ZBED6: variants seen among roughly 807,000 people sequenced by gnomAD.
ZBED6 encodes the protein zinc finger BED domain-containing protein 6.
In ZBED6, 40 loss-of-function variants were observed where a neutral mutation model predicts 58.4. The ratio of observed to expected loss-of-function variants is 0.68; its 90% CI spans 0.53 to 0.89. The LOEUF is 0.89. Among genes scored for constraint, ZBED6 ranks in the 40% least tolerant of loss-of-function variants. The probability of loss-of-function intolerance (pLI) is 0.00; values close to 1 mark genes in which losing one functional copy is unlikely to be tolerated. For missense variants in ZBED6, 1,057 were observed against 1,003.9 expected, an observed-to-expected ratio of 1.05 and a Z score of -0.71; for synonymous variants, 439 against 350.6, an observed-to-expected ratio of 1.25 and a Z score of -2.82.
intron 13 of ZBED6, among the ~76,000 whole-genome samples, chr1:203,849,491 C>G (rs1688757451): frequency 6.6e-6 from 1 of 152,166 alleles, no homozygotes; most frequent in Non-Finnish European, 1.5e-5. Context: ...TCATGGTTGT[C>G]TAGCCTGTGG....
intron 4 of ZBED6, 145 bp downstream of exon 4, chr1:203,828,567 T>C (rs1488355612): frequency 9.3e-7 from 1 of 1,071,658 alleles, no homozygotes; most frequent in African/African-American, 1.6e-5. Flanking sequence ...AACTGAATCT[T>C]ATTAAGGTTA....
At chr1:203,800,448 G>A in exon 1 of ZBED6, 1 of 1,488,318 alleles carries the variant, frequency 6.7e-7, no homozygotes, top group Non-Finnish European at 8.9e-7. Flanking sequence ...CAGTGAAAAA[G>A]AAATACTGCC....
exon 1 of ZBED6, chr1:203,795,877 C>T (rs921651459): frequency 4.6e-5 from 7 of 151,894 alleles, no homozygotes; most frequent in African/African-American, 1.5e-4. Context: ...GCAGCGGCCT[C>T]CCCTCGCCCC....
intron 8 of ZBED6, 33 bp downstream of exon 8, chr1:203,831,804 C>A: frequency 6.5e-7 from 1 of 1,536,672 alleles, no homozygotes; most frequent in Non-Finnish European, 8.9e-7. Flanking sequence ...AGTTGTCAAG[C>A]CTCTACTTTT....
intron 3 of ZBED6, among the ~76,000 whole-genome samples, chr1:203,823,362 T>C (rs1474883528): frequency 6.6e-6 from 1 of 152,204 alleles, no homozygotes; most frequent in Non-Finnish European, 1.5e-5. Context: ...CAGCAATGCA[T>C]GTGTGGTATT....
intron 1 of ZBED6, among the ~76,000 whole-genome samples, chr1:203,804,800 G>A (rs1357224141): frequency 6.6e-6 from 1 of 151,346 alleles, no homozygotes; most frequent in Non-Finnish European, 1.5e-5. Context: ...AGCCTCCCAA[G>A]TAGCTGAGAT....
chr1:203,806,020 T>C (rs1672206241), intron 1 of ZBED6: 1 of 548,170 alleles, frequency 1.8e-6, no homozygotes, highest in Non-Finnish European at 3.5e-6. Flanking sequence ...GAATGACTCT[T>C]GGGTGCGATT....
At chr1:203,818,434 A>C in intron 2 of ZBED6, 136 bp from the exon 3 acceptor site, 1 of 1,153,234 alleles carries the variant, frequency 8.7e-7, no homozygotes, top group Admixed American at 2.5e-5. Context: ...CTGTCATTCC[A>C]TGTCCATTGT....
At chr1:203,840,084 G>A (rs564993619) in intron 10 of ZBED6, among the ~76,000 whole-genome samples, 97 of 151,824 alleles carry the variant, frequency 6.4e-4, no homozygotes, top group African/African-American at 2.0e-3. Flanking sequence ...GATTACAAGC[G>A]TGAGCCACTG....
chr1:203,847,832 A>G, intron 12 of ZBED6, 145 bp downstream of exon 12: 1 of 1,182,804 alleles, frequency 8.5e-7, no homozygotes. Flanking sequence ...GTTTTTCAGT[A>G]GTGCTATGTA....
exon 1 of ZBED6, chr1:203,799,976 T>G: frequency 6.5e-7 from 1 of 1,536,130 alleles, no homozygotes; most frequent in African/African-American, 1.4e-5. Flanking sequence ...CAGAAGCTTC[T>G]TGTCCCTCAG....
At chr1:203,809,375 C>T (rs1274839102) in intron 1 of ZBED6, among the ~76,000 whole-genome samples, 1 of 151,488 alleles carries the variant, frequency 6.6e-6, no homozygotes, top group Non-Finnish European at 1.5e-5. Context: ...CGGTGTTTCA[C>T]CATATTGGCC....
intron 1 of ZBED6, among the ~76,000 whole-genome samples, chr1:203,812,578 A>ATTTTTT (rs386369376): frequency 1.0e-4 from 11 of 109,312 alleles, no homozygotes; most frequent in Non-Finnish European, 1.8e-4. Flanking sequence ...GCCATTCTAA[A>ATTTTTT]TTTTTTTTTT....
chr1:203,838,192 C>T, intron 10 of ZBED6, 128 bp downstream of exon 10: 1 of 888,002 alleles, frequency 1.1e-6, no homozygotes, highest in African/African-American at 1.7e-5. Flanking sequence ...TTATATTATT[C>T]ACTCAACAAA....
exon 1 of ZBED6, chr1:203,802,951 C>T (rs927937114): frequency 6.6e-6 from 1 of 152,378 alleles, no homozygotes; most frequent in African/African-American, 2.4e-5. Flanking sequence ...TTGGTTCGAC[C>T]TACAGGCGTA....
rs1680628708 is a variant in ZBED6, at chr1:203,826,674, A to G, written c.*2874-1625A>G. ...TATTGTTTCTCTGTCTCTCTTCTCC[A>G]TATTCTTAAATTTCAATGCTGGTGT... On this transcript the variant is annotated intron_variant, in intron 3 of 16. Coordinates refer to ENST00000550078, the Ensembl canonical transcript of ZBED6. Among the ~76,000 whole-genome samples, 7 of 152,062 alleles carry G rather than the reference A, an allele frequency of 4.6e-5. No homozygotes were observed. The South Asian group carries it at 1.4e-3, about 31-fold the overall frequency.
At chr1:203,806,073 C>G in intron 1 of ZBED6, 1 of 510,348 alleles carries the variant, frequency 2.0e-6, no homozygotes, top group Non-Finnish European at 3.8e-6. Flanking sequence ...TTAAAACTCG[C>G]AAGGCTTTCT....
chr1:203,819,529 A>ATT (rs755259647), intron 3 of ZBED6, among the ~76,000 whole-genome samples: 5 of 72,878 alleles, frequency 6.9e-5, no homozygotes, highest in East Asian at 3.6e-4. Context: ...GCTGACTCCA[A>ATT]TTTTTTTTTT....
chr1:203,804,448 G>T (rs192655796), intron 1 of ZBED6, among the ~76,000 whole-genome samples: 1 of 151,898 alleles, frequency 6.6e-6, no homozygotes, highest in Non-Finnish European at 1.5e-5. Flanking sequence ...CACCACGCCC[G>T]GCCCTTCCTG....
Sources: gnomAD v4.1 joint callset for allele counts (sites outside exome capture counted in the v4.1 genomes callset) on GRCh38, gnomAD v4.1.1 for gene constraint, MANE v1.5 for transcripts, NCBI Gene and HGNC (gene_info 2026-07-23, HGNC 2026-07-21) for gene names.